The following DNMT3A variants were observed in gnomAD, a reference collection of about 807,000 sequenced individuals.
DNMT3A encodes DNA methyltransferase 3 alpha, also known as DNA (cytosine-5)-methyltransferase 3A.
Under a neutral mutation model 117.6 loss-of-function variants are expected in DNMT3A, and 267 were observed. That is an observed-to-expected ratio of 2.27 (90% CI 2.05 to 2.51). The LOEUF (loss-of-function observed/expected upper bound fraction) is 2.51. Among genes scored for constraint, DNMT3A ranks in the 30% most tolerant of loss-of-function variants. The probability of loss-of-function intolerance (pLI) is 0.00; values close to 1 mark genes in which losing one functional copy is unlikely to be tolerated. For synonymous variants in DNMT3A, 432 were observed against 474.8 expected, an observed-to-expected ratio of 0.91 and a Z score of 1.17; for missense variants, 1,029 against 1,260.2, an observed-to-expected ratio of 0.82 and a Z score of 2.78.
chr2:25,321,336 G>A (rs982052435), intron 1 of DNMT3A, among the ~76,000 whole-genome samples: 3 of 152,096 alleles, frequency 2.0e-5, no homozygotes, highest in Admixed American at 6.5e-5. Flanking sequence ...CAAAGCCAGC[G>A]ATGGCCAGTC....
At chr2:25,320,789 T>C (rs954716857) in intron 1 of DNMT3A, among the ~76,000 whole-genome samples, 1 of 152,202 alleles carries the variant, frequency 6.6e-6, no homozygotes, top group Non-Finnish European at 1.5e-5. Context: ...TATGCATGTA[T>C]GTACACACAA....
chr2:25,314,428 C>T lies in DNMT3A; in HGVS notation c.-177-267G>A, dbSNP rs928997948. On this transcript the variant is annotated intron_variant, in intron 1 of 22. Coordinates refer to ENST00000321117, the MANE Select transcript of DNMT3A (RefSeq NM_022552.5). ...GTGCCACTTCTGGGACCTCCAGCTG[C>T]CTCCGCCTCCTCCCTTCTCTTCATT... 1.5e-5 allele frequency: 15 copies of T among 985,222 alleles called. No homozygotes were observed. In the African/African-American group the frequency reaches 2.4e-4, roughly 16 times the overall value. The allele number at this position is 985,222 out of a possible 1,614,324, so 61.0% of individuals were successfully genotyped here. A position where few individuals can be genotyped will look rare whatever the true frequency, so the allele number is the denominator to read the frequency against.
Position 25,286,185 on chromosome 2 carries a change from C to T in DNMT3A, c.178-3474G>A, listed in dbSNP as rs971080476. On this transcript the variant is annotated intron_variant, in intron 3 of 22. Coordinates refer to ENST00000321117, the MANE Select transcript of DNMT3A (RefSeq NM_022552.5). The surrounding 1 kb of genome is among the most constrained non-coding windows in gnomAD (Gnocchi z 4.3). ...CTCACTTCCTGTTGACTGCTGGCTC[C>T]GTAGCATAGAGACCTATGAGGGCCG... Among the ~76,000 whole-genome samples the T allele has an allele frequency of 6.6e-6, 1 of 152,196 alleles. No homozygotes were observed. Among genetic ancestry groups the T allele is most frequent in the Non-Finnish European group, 1.5e-5 (1 of 68,040 alleles).
At chr2:25,319,830 C>T (rs1342088186) in intron 1 of DNMT3A, among the ~76,000 whole-genome samples, 2 of 150,836 alleles carry the variant, frequency 1.3e-5, no homozygotes, top group Non-Finnish European at 2.9e-5. Flanking sequence ...AGTGCAGTGG[C>T]GCATTCTCGG....
intron 4 of DNMT3A, among the ~76,000 whole-genome samples, chr2:25,278,039 A>AC (rs59610681): frequency 2.4e-5 from 2 of 84,252 alleles, no homozygotes; most frequent in African/African-American, 7.2e-5. Context: ...ACACACACAC[A>AC]GACACACACG....
At chr2:25,240,813 G>A in intron 17 of DNMT3A, 83 bp from the exon 18 acceptor site, 2 of 1,404,824 alleles carry the variant, frequency 1.4e-6, no homozygotes, top group Non-Finnish European at 2.0e-6. Context: ...CTGTGAACTT[G>A]GCAAAGAAGT....
At chr2:25,290,197 G>A (rs945161855) in intron 3 of DNMT3A, among the ~76,000 whole-genome samples, 2 of 152,136 alleles carry the variant, frequency 1.3e-5, no homozygotes, top group African/African-American at 4.8e-5. Flanking sequence ...TGCCCAGGCT[G>A]GAGTGCAGGG....
At chr2:25,245,919 C>T (rs551213604) in intron 12 of DNMT3A, 101 bp downstream of exon 12, 57 of 1,440,262 alleles carry the variant, frequency 4.0e-5, no homozygotes, top group South Asian at 3.5e-4. Context: ...ACACGCAGGA[C>T]GTGGCCCCTG....
At position 25,254,629 on chromosome 2, in the gene DNMT3A, G is replaced by A. The variant is rs1193613874; in HGVS notation, c.640-6377C>T. 3.3e-5 allele frequency among the ~76,000 whole-genome samples: 5 copies of A among 152,128 alleles called. No individual in the cohort carries two copies. Among genetic ancestry groups the A allele is most frequent in the Non-Finnish European group, 5.9e-5 (4 of 68,034 alleles). On this transcript the variant is annotated intron_variant, in intron 6 of 22. Transcript: ENST00000321117. The surrounding 1 kb of genome is among the most constrained non-coding windows in gnomAD (Gnocchi z 4.7). ...CCCTCTTGCCTGCTCCCAACCTTTA[G>A]GGAATGCAGCATGACTTGCTTCGCT...
chr2:25,323,017 G>A (rs531433632), intron 1 of DNMT3A, among the ~76,000 whole-genome samples: 1 of 151,956 alleles, frequency 6.6e-6, no homozygotes, highest in African/African-American at 2.4e-5. Flanking sequence ...GCTCTACCTA[G>A]ATGCCTTCCC....
intron 1 of DNMT3A, among the ~76,000 whole-genome samples, chr2:25,340,585 C>T (rs1197445237): frequency 1.3e-5 from 2 of 152,066 alleles, no homozygotes; most frequent in Non-Finnish European, 1.5e-5. Context: ...CAGCCGCCGC[C>T]TGCGGCTCCG....
At chr2:25,260,160 C>T (rs1676483825) in intron 6 of DNMT3A, among the ~76,000 whole-genome samples, 1 of 152,186 alleles carries the variant, frequency 6.6e-6, no homozygotes, top group South Asian at 2.1e-4. Context: ...AGACCCCCGC[C>T]GCCAATGCAG....
rs528191762 is a variant in DNMT3A, at chr2:25,236,865, C to T, written c.2478+71G>A. 41 of 1,499,436 alleles carry T rather than the reference C, an allele frequency of 2.7e-5. No individual in the cohort carries two copies. In the African/African-American group the frequency reaches 5.6e-4, roughly 21 times the overall value. The allele number at this position is 1,499,436 out of a possible 1,614,324, so 92.9% of individuals were successfully genotyped here. A position where few individuals can be genotyped will look rare whatever the true frequency, so the allele number is the denominator to read the frequency against. Reference sequence around the variant, plus strand: ...AGAAGCAGGCGGGACAAGGCCCTGGCCACCGCTCCACCTCATCCTGCCCTT... The same window carrying T: ...AGAAGCAGGCGGGACAAGGCCCTGGTCACCGCTCCACCTCATCCTGCCCTT... On this transcript the variant is annotated intron_variant, in intron 21 of 22. Transcript: ENST00000321117. The surrounding 1 kb of genome is among the most constrained non-coding windows in gnomAD (Gnocchi z 4.5).
chr2:25,275,387 G>T, intron 5 of DNMT3A, 113 bp downstream of exon 5: 1 of 1,417,586 alleles, frequency 7.1e-7, no homozygotes, highest in Non-Finnish European at 9.6e-7. Context: ...TCCCACAGAG[G>T]GATGTGTAAA....
At chr2:25,326,169 G>A (rs2034783519) in intron 1 of DNMT3A, among the ~76,000 whole-genome samples, 1 of 147,260 alleles carries the variant, frequency 6.8e-6, no homozygotes, top group African/African-American at 2.5e-5. Context: ...TTGCAATATG[G>A]TAACCATTTT....
chr2:25,288,806 C>G (rs992989695), intron 3 of DNMT3A, among the ~76,000 whole-genome samples: 4 of 152,200 alleles, frequency 2.6e-5, no homozygotes, highest in Admixed American at 6.5e-5. Context: ...GCCTCTCCCC[C>G]AGTCACCACT....
At position 25,234,004 on chromosome 2, in the gene DNMT3A, A is replaced by G. The variant is rs1029603925; in HGVS notation, c.*275T>C. ...TAGAAAATAAAAGGTCTGACCGAAA[A>G]AAAAGGGAAGGGGGAGGAAGGGAAG... On this transcript the variant is annotated 3_prime_UTR_variant, in exon 23 of 23. Coordinates refer to ENST00000321117, the MANE Select transcript of DNMT3A (RefSeq NM_022552.5). The surrounding 1 kb of genome is among the most constrained non-coding windows in gnomAD (Gnocchi z 4.5). The G allele has an allele frequency of 3.1e-6, 1 of 324,878 alleles. No individual in the cohort carries two copies. Among genetic ancestry groups the G allele is most frequent in the Non-Finnish European group, 5.5e-6 (1 of 182,122 alleles). 20.1% of individuals were successfully genotyped at this position (324,878 alleles called of 1,614,324 possible). A position where few individuals can be genotyped will look rare whatever the true frequency, so the allele number is the denominator to read the frequency against.
intron 6 of DNMT3A, among the ~76,000 whole-genome samples, chr2:25,256,533 G>GTC (rs1290360854): frequency 6.6e-6 from 1 of 152,186 alleles, no homozygotes; most frequent in Admixed American, 6.5e-5. Context: ...TAGTTCCTCA[G>GTC]TCACACTGGC....
intron 6 of DNMT3A, among the ~76,000 whole-genome samples, chr2:25,274,687 C>A (rs1268642240): frequency 1.3e-5 from 2 of 152,236 alleles, no homozygotes; most frequent in East Asian, 3.8e-4. Context: ...TATGTTCTGC[C>A]TGTCTCCCCC....
Sources: allele counts gnomAD v4.1 joint callset (sites outside exome capture counted in the v4.1 genomes callset), GRCh38; gene constraint gnomAD v4.1.1; non-coding constraint Gnocchi (gnomAD v3.1); transcripts MANE v1.5; gene names NCBI Gene and HGNC (gene_info 2026-07-23, HGNC 2026-07-21).